Variants in TRIM33 observed in about 807,000 individuals in gnomAD.
TRIM33 encodes tripartite motif containing 33.
In TRIM33, 20 loss-of-function variants were observed where a neutral mutation model predicts 125.4. That is an observed-to-expected ratio of 0.16 (90% CI 0.11 to 0.23). The LOEUF is 0.23. Among genes scored for constraint, TRIM33 ranks in the 10% least tolerant of loss-of-function variants. TRIM33 has a pLI of 1.00. For synonymous variants in TRIM33, 564 were observed against 513.9 expected, an observed-to-expected ratio of 1.10 and a Z score of -1.32; for missense variants, 920 against 1,411.4, an observed-to-expected ratio of 0.65 and a Z score of 5.58.
At chr1:114,503,748 T>G (rs1447243809) in intron 1 of TRIM33, among the ~76,000 whole-genome samples, 1 of 152,248 alleles carries the variant, frequency 6.6e-6, no homozygotes, top group Non-Finnish European at 1.5e-5. Flanking sequence ...TCAATTTTTA[T>G]CACTGGCAAC....
chr1:114,485,070 C>T (rs907991446), intron 1 of TRIM33, among the ~76,000 whole-genome samples: 12 of 151,000 alleles, frequency 7.9e-5, no homozygotes, highest in South Asian at 4.2e-4. Context: ...AAAAAAAGTA[C>T]GTGTTTATTA....
At chr1:114,421,064 T>C (rs993366108) in intron 11 of TRIM33, among the ~76,000 whole-genome samples, 2 of 152,174 alleles carry the variant, frequency 1.3e-5, no homozygotes, top group Non-Finnish European at 2.9e-5. Flanking sequence ...AAGGAAATTC[T>C]GTCATCTTGC....
chr1:114,480,813 G>C (rs1651283013), intron 1 of TRIM33, among the ~76,000 whole-genome samples: 1 of 152,000 alleles, frequency 6.6e-6, no homozygotes, highest in South Asian at 2.1e-4. Flanking sequence ...TACATAAATA[G>C]GGATAAAGTA....
intron 1 of TRIM33, among the ~76,000 whole-genome samples, chr1:114,487,322 T>C (rs1570650345): frequency 1.4e-5 from 2 of 139,342 alleles, no homozygotes; most frequent in Non-Finnish European, 3.0e-5. Context: ...GGATCTCTCA[T>C]GTAAAACCAT....
chr1:114,494,983 G>A (rs768844317), intron 1 of TRIM33, among the ~76,000 whole-genome samples: 5 of 151,998 alleles, frequency 3.3e-5, no homozygotes, highest in East Asian at 3.9e-4. Context: ...GCACCATCTC[G>A]GCTCACTGCA....
intron 1 of TRIM33, among the ~76,000 whole-genome samples, chr1:114,472,956 T>C (rs1481002601): frequency 6.6e-6 from 1 of 151,636 alleles, no homozygotes; most frequent in East Asian, 1.9e-4. Context: ...GAAGGCAGTG[T>C]GTTATAAAGT....
chr1:114,486,893 C>A (rs1651733611), intron 1 of TRIM33, among the ~76,000 whole-genome samples: 1 of 151,952 alleles, frequency 6.6e-6, no homozygotes, highest in African/African-American at 2.4e-5. Context: ...TTAAGACCAG[C>A]CTGGCCAAAA....
At position 114,493,957 on chromosome 1, in the gene TRIM33, C is replaced by T. The variant is rs140415630; in HGVS notation, c.526+16594G>A. 2.4e-3 allele frequency among the ~76,000 whole-genome samples: 365 copies of T among 152,112 alleles called. 4 individuals are homozygous for T. The highest frequency in any genetic ancestry group is 8.2e-3 in the African/African-American group (340 of 41,504). On this transcript the variant is annotated intron_variant, in intron 1 of 19. Transcript: ENST00000358465. ...TCTCCTGCCTCAGCCTCCCAAGTAG[C>T]GGGATTACAAGCATGCACCACCACG...
intron 5 of TRIM33, among the ~76,000 whole-genome samples, chr1:114,431,364 T>C (rs1647940570): frequency 6.6e-6 from 1 of 152,246 alleles, no homozygotes; most frequent in Non-Finnish European, 1.5e-5. Flanking sequence ...ATTTATAACT[T>C]AGCCACTTCA....
At position 114,433,733 on chromosome 1, in the gene TRIM33, C is replaced by T. The variant is rs1225089974; in HGVS notation, c.924G>A (p.Arg308=). The change falls in exon 5 of 20, where the codon AGG becomes AGA. Residue 308 remains arginine, a splice_region_variant and synonymous_variant. Transcript: ENST00000358465. ...DCQLLEHKEH[R]YQFLEEAFQN... ...GAAAAGCTTCTTCCAAAAACTGATACCTTAAAACCAAAACAAAACTACATT... is the reference window on the plus strand; with the variant it reads ...GAAAAGCTTCTTCCAAAAACTGATATCTTAAAACCAAAACAAAACTACATT... The T allele has an allele frequency of 4.5e-6, 7 of 1,566,958 alleles. No individual in the cohort carries two copies. In the Admixed American group the frequency reaches 1.3e-4, roughly 29 times the overall value.
intron 17 of TRIM33, among the ~76,000 whole-genome samples, chr1:114,399,901 G>A (rs1359759169): frequency 2.6e-5 from 4 of 151,312 alleles, no homozygotes; most frequent in African/African-American, 9.7e-5. Context: ...GGCAACATTT[G>A]ACTTACCAGA....
At chr1:114,421,924 C>G (rs1159966344) in intron 10 of TRIM33, among the ~76,000 whole-genome samples, 1 of 152,142 alleles carries the variant, frequency 6.6e-6, no homozygotes, top group East Asian at 1.9e-4. Flanking sequence ...CTGTAAACCT[C>G]CAAATTTTCA....
At chr1:114,452,208 T>C (rs1649352103) in intron 4 of TRIM33, among the ~76,000 whole-genome samples, 1 of 152,124 alleles carries the variant, frequency 6.6e-6, no homozygotes, top group Non-Finnish European at 1.5e-5. Flanking sequence ...GCATGGTGGC[T>C]CATGCCTGTA....
Position 114,401,290 on chromosome 1 carries a change from C to T in TRIM33, c.2967+99G>A, listed in dbSNP as rs911669682. ...CCGCCTGCCTCGGCCTCCCAAAGTG[C>T]TGGGATTACAGGCGTGAGCCACCGC... On this transcript the variant is annotated intron_variant, in intron 17 of 19. Transcript: ENST00000358465. The T allele has an allele frequency of 9.9e-6, 8 of 807,620 alleles. No homozygotes were observed. The Middle Eastern group carries it at 9.8e-4, about 99-fold the overall frequency. 50.0% of individuals were successfully genotyped at this position (807,620 alleles called of 1,614,324 possible).
At chr1:114,422,421 G>T (rs183046719) in intron 10 of TRIM33, among the ~76,000 whole-genome samples, 94 of 152,072 alleles carry the variant, frequency 6.2e-4, no homozygotes, top group African/African-American at 2.2e-3. Context: ...GAACTAAGGG[G>T]TACATGATTA....
At chr1:114,455,664 G>C (rs901043480) in intron 4 of TRIM33, among the ~76,000 whole-genome samples, 2 of 152,200 alleles carry the variant, frequency 1.3e-5, no homozygotes, top group Non-Finnish European at 2.9e-5. Context: ...AGATGGAATT[G>C]AAACAAAGGT....
In TRIM33 at chr1:114,402,878, TC is replaced by T. The variant is rs1276993265; in HGVS notation, c.2773del (p.Asp925ThrfsTer34). 6.2e-7 allele frequency: 1 copy of T among 1,612,826 alleles called. No homozygotes were observed. The highest frequency in any genetic ancestry group is 1.1e-5 in the South Asian group (1 of 90,886). ...VPTLLSFPSG[D>X]WICTFCRDIG... ...ATCTCTACAAAATGTGCATATCCAG[TC>T]CCCACTAGACAGGGAAATAGGCAAT... On this transcript the variant is annotated frameshift_variant, in exon 16 of 20. Coordinates refer to ENST00000358465, the MANE Select transcript of TRIM33 (RefSeq NM_015906.4). LOFTEE classifies it high-confidence loss of function.
chr1:114,417,038 C>T (rs555876193), intron 11 of TRIM33, among the ~76,000 whole-genome samples: 1 of 152,164 alleles, frequency 6.6e-6, no homozygotes, highest in East Asian at 1.9e-4. Flanking sequence ...AAATATTATT[C>T]AGCCATAAAA....
intron 6 of TRIM33, among the ~76,000 whole-genome samples, chr1:114,428,920 T>A (rs1647762183): frequency 6.6e-6 from 1 of 151,790 alleles, no homozygotes; most frequent in Non-Finnish European, 1.5e-5. Context: ...AGTGGTGCAA[T>A]CCTGGTTCAC....
Sources: gnomAD v4.1 joint callset for allele counts (sites outside exome capture counted in the v4.1 genomes callset) on GRCh38, gnomAD v4.1.1 for gene constraint, MANE v1.5 for transcripts, NCBI Gene and HGNC (gene_info 2026-07-23, HGNC 2026-07-21) for gene names.